Variants in CCN6 observed in about 807,000 individuals in gnomAD.
CCN6 encodes the protein CCN family member 6.
In CCN6, 31 loss-of-function variants were observed where a neutral mutation model predicts 37.4. That is an observed-to-expected ratio of 0.83 (90% CI 0.62 to 1.12). The LOEUF (loss-of-function observed/expected upper bound fraction) is 1.12, where lower values mean the gene tolerates loss of function less well. CCN6 is among the 50% of genes most tolerant of loss of function. The pLI is 0.00. For missense variants in CCN6, 369 were observed against 413.8 expected (o/e 0.89, Z 0.94); for synonymous variants, 137 against 142.1 (o/e 0.96, Z 0.26).
rs587749570 is a variant in CCN6 at position 112,067,420 on chromosome 6, T to G, written c.590-785T>G. ...CCTTACATGGAAATGGGAGCATTAT[T>G]AGACCCTCTTATATTCTCTCTTCCC... On this transcript the variant is annotated intron_variant, in intron 3 of 4. Coordinates refer to ENST00000368666, the MANE Select transcript of CCN6 (RefSeq NM_198239.2). 4.6e-5 allele frequency among the ~76,000 whole-genome samples: 7 copies of G among 152,252 alleles called. No individual in the cohort carries two copies. In the East Asian group the frequency reaches 1.4e-3, roughly 29 times the overall value.
At position 112,054,353 on chromosome 6, in the gene CCN6, G is replaced by A. The variant is rs377380087; in HGVS notation, c.-5G>A. The A allele has an allele frequency of 6.2e-7, 1 of 1,613,900 alleles. No homozygotes were observed. The highest frequency in any genetic ancestry group is 1.1e-5 in the South Asian group (1 of 91,050). On this transcript the variant is annotated 5_prime_UTR_variant, in exon 1 of 5. Coordinates refer to ENST00000368666, the MANE Select transcript of CCN6 (RefSeq NM_198239.2). The stretch of plus-strand genomic sequence containing the variant: ...CCCTCAGGGTGGCTCCACGGTCCCA[G>A]CGACATGCAGGGGCTCCTCTTCTCC...
At chr6:112,060,967 C>T in intron 1 of CCN6, 24 bp from the exon 2 acceptor site, 6 of 1,613,388 alleles carry the variant, frequency 3.7e-6, no homozygotes, top group Non-Finnish European at 4.2e-6. Flanking sequence ...CTATTTCTAA[C>T]ATCACCTTTA....
At chr6:112,058,209 G>T (rs781977944) in intron 1 of CCN6, among the ~76,000 whole-genome samples, 1 of 152,046 alleles carries the variant, frequency 6.6e-6, no homozygotes, top group East Asian at 1.9e-4. Context: ...CCATTCTCAC[G>T]TTGTGCATGT....
chr6:112,069,296 T>G, intron 4 of CCN6, 43 bp from the exon 5 acceptor site: 1 of 1,589,064 alleles, frequency 6.3e-7, no homozygotes, highest in East Asian at 2.3e-5. Context: ...AAAACTATTG[T>G]AATAAAATTT....
chr6:112,067,076 T>C (rs782056737), intron 3 of CCN6: 4 of 1,328,748 alleles, frequency 3.0e-6, no homozygotes, highest in South Asian at 2.3e-5. Context: ...CTATGTGCAA[T>C]TGCAAGAGAC....
rs1776503200 is a variant in CCN6 at position 112,061,078 on chromosome 6, C to T, written c.136C>T (p.Gln46Ter). The change falls in exon 2 of 5, where the codon CAG becomes TAG. Residue 46 changes from glutamine to a stop codon, truncating the protein, a stop_gained. Coordinates refer to ENST00000368666, the MANE Select transcript of CCN6 (RefSeq NM_198239.2). LOFTEE classifies it high-confidence loss of function. ...AGTGTCAGATGCACCTCAGCGTAAA[C>T]AGTTTTGTCACTGGCCCTGCAAATG... The part of the protein sequence containing the change: ...GEVSDAPQRK[Q>*]FCHWPCKCPQ... 6.2e-7 allele frequency: 1 copy of T among 1,614,166 alleles called. No homozygotes were observed. Among genetic ancestry groups the T allele is most frequent in the East Asian group, 2.2e-5 (1 of 44,888 alleles).
In CCN6 at chr6:112,069,463, G is replaced by T; in HGVS notation, c.908G>T (p.Arg303Ile). The T allele has an allele frequency of 1.2e-6, 2 of 1,613,732 alleles. No homozygotes were observed. The highest frequency in any genetic ancestry group is 1.7e-6 in the Non-Finnish European group (2 of 1,179,856). ...TTTTGTGGAATATGCTTGGATAAGAGATGCTGTATCCCTAATAAGTCTAAA... is the reference window on the plus strand; with the variant it reads ...TTTTGTGGAATATGCTTGGATAAGATATGCTGTATCCCTAATAAGTCTAAA... The part of the protein sequence containing the change: ...PTFCGICLDK[R>I]CCIPNKSKMI... The change falls in exon 5 of 5, where the codon AGA (arginine) becomes ATA (isoleucine). Residue 303 changes from arginine (R) to isoleucine (I), a missense_variant. Arg to Ile is a moderately conservative substitution (Grantham distance 97). Transcript: ENST00000368666.
chr6:112,069,679 G>A lies in CCN6; in HGVS notation c.*59G>A, dbSNP rs1408143290. 2 of 1,586,778 alleles carry A rather than the reference G, an allele frequency of 1.3e-6. No homozygotes were observed. Among genetic ancestry groups the A allele is most frequent in the South Asian group, 1.1e-5 (1 of 89,578 alleles). On this transcript the variant is annotated 3_prime_UTR_variant, in exon 5 of 5. Coordinates refer to ENST00000368666, the MANE Select transcript of CCN6 (RefSeq NM_198239.2). ...TGTCATATAATAAAAAAATTAGTGA[G>A]TATAAAATGGTGGCAAATCTACTTT...
At chr6:112,055,329 C>T (rs898619424) in intron 1 of CCN6, among the ~76,000 whole-genome samples, 7 of 152,174 alleles carry the variant, frequency 4.6e-5, no homozygotes, top group African/African-American at 1.4e-4. Flanking sequence ...TCCTATTCCA[C>T]TGTTCTTGAG....
intron 1 of CCN6, 109 bp downstream of exon 1, chr6:112,054,514 C>T (rs1776287238): frequency 6.9e-6 from 7 of 1,011,414 alleles, no homozygotes; most frequent in Non-Finnish European, 9.3e-6. Flanking sequence ...GGATCAATGG[C>T]TTGTGGAACT....
chr6:112,069,659 T>C lies in CCN6; in HGVS notation c.*39T>C, dbSNP rs782252162. On this transcript the variant is annotated 3_prime_UTR_variant, in exon 5 of 5. Transcript: ENST00000368666. ...GGGGAAAAGTTAGTCAATCCTGTCA[T>C]ATAATAAAAAAATTAGTGAGTATAA... The C allele has an allele frequency of 4.3e-6, 7 of 1,610,800 alleles. No homozygotes were observed. Among genetic ancestry groups the C allele is most frequent in the South Asian group, 3.3e-5 (3 of 90,658 alleles).
intron 3 of CCN6, among the ~76,000 whole-genome samples, chr6:112,065,608 A>ACACG (rs1485965890): frequency 1.6e-4 from 12 of 75,346 alleles, no homozygotes; most frequent in East Asian, 4.1e-4. Context: ...ACAAACACAC[A>ACACG]CGCACACACA....
intron 1 of CCN6, among the ~76,000 whole-genome samples, chr6:112,055,460 G>A (rs782228135): frequency 2.6e-5 from 4 of 152,082 alleles, no homozygotes; most frequent in African/African-American, 9.7e-5. Flanking sequence ...CACAAAGAGC[G>A]GTAAAAATGG....
chr6:112,053,399 C>G (rs149667385), upstream of CCN6, among the ~76,000 whole-genome samples: 2 of 151,090 alleles, frequency 1.3e-5, no homozygotes, highest in Admixed American at 6.6e-5. Context: ...CAGGTTCAAG[C>G]GATTCTCCTG....
At position 112,069,546 on chromosome 6, in the gene CCN6, T is replaced by C; in HGVS notation, c.991T>C (p.Trp331Arg). ...NEGSFKWKML[W>R]ITSCVCQRNC... is the part of the protein sequence containing the mutation. ...GGGGTCATTTAAATGGAAGATGCTG[T>C]GGATTACATCTTGTGTGTGTCAGAG... The change falls in exon 5 of 5, where the codon TGG becomes CGG. Residue 331 changes from tryptophan to arginine, a missense_variant. By Grantham distance (101) the Trp-to-Arg change is moderately radical. Coordinates refer to ENST00000368666, the MANE Select transcript of CCN6 (RefSeq NM_198239.2). 2 of 1,613,820 alleles carry C rather than the reference T, an allele frequency of 1.2e-6. No individual in the cohort carries two copies. Among genetic ancestry groups the C allele is most frequent in the Middle Eastern group, 1.7e-4 (1 of 6,054 alleles).
chr6:112,061,165 T>G lies in CCN6; in HGVS notation c.223T>G (p.Cys75Gly), dbSNP rs199997447. Reference sequence around the variant, plus strand: ...CCTGGTGAGAGATGGCTGTGGATGCTGTAAAATCTGTGCCAAGCAACCAGG... The same window carrying G: ...CCTGGTGAGAGATGGCTGTGGATGCGGTAAAATCTGTGCCAAGCAACCAGG... ...VSLVRDGCGCCKICAKQPGEI... is the reference protein window; with the variant it reads ...VSLVRDGCGCGKICAKQPGEI... The change falls in exon 2 of 5, where the codon TGT (cysteine) becomes GGT (glycine). Residue 75 changes from cysteine (C) to glycine (G), a missense_variant. Coordinates refer to ENST00000368666, the MANE Select transcript of CCN6 (RefSeq NM_198239.2). 238 of 1,614,114 alleles carry G rather than the reference T, an allele frequency of 1.5e-4. 2 individuals are homozygous for G. The East Asian group carries it at 5.2e-3, about 35-fold the overall frequency.
In CCN6 at chr6:112,068,328, G is replaced by A. The variant is rs1351622002; in HGVS notation, c.713G>A (p.Cys238Tyr). ...AGGGTGACCAATGAAAACAGCAACT[G>A]TGAAATGAGAAAAGAGAAAAGACTG... ...SNRVTNENSN[C>Y]EMRKEKRLCY... Residue 238 changes from cysteine (C) to tyrosine (Y), a missense_variant, in exon 4 of 5, where the codon TGT becomes TAT. Coordinates refer to ENST00000368666, the MANE Select transcript of CCN6 (RefSeq NM_198239.2). 1.2e-6 allele frequency: 2 copies of A among 1,613,116 alleles called. No homozygotes were observed. Among genetic ancestry groups the A allele is most frequent in the Non-Finnish European group, 1.7e-6 (2 of 1,179,544 alleles).
At chr6:112,067,707 C>G (rs1381868884) in intron 3 of CCN6, among the ~76,000 whole-genome samples, 2 of 152,070 alleles carry the variant, frequency 1.3e-5, no homozygotes, top group African/African-American at 4.8e-5. Flanking sequence ...TAGATTAAAA[C>G]AAATGGAAGA....
chr6:112,061,953 C>T (rs1354776789), intron 2 of CCN6, among the ~76,000 whole-genome samples: 4 of 152,062 alleles, frequency 2.6e-5, no homozygotes, highest in Admixed American at 6.5e-5. Flanking sequence ...CAGTTTAGTC[C>T]GTCTGTAGAA....
Sources: gnomAD v4.1 joint callset for allele counts (sites outside exome capture counted in the v4.1 genomes callset) on GRCh38, gnomAD v4.1.1 for gene constraint, MANE v1.5 for transcripts, NCBI Gene and HGNC (gene_info 2026-07-23, HGNC 2026-07-21) for gene names.